The following FBXO36 variants were observed in gnomAD, a reference collection of about 807,000 sequenced individuals.
The protein encoded by FBXO36 is F-box protein 36.
A neutral mutation model predicts 17.0 loss-of-function variants in FBXO36; 18 were observed. That is an observed-to-expected ratio of 1.06 (90% CI 0.73 to 1.57). FBXO36 has a LOEUF of 1.57. Among genes scored for constraint, FBXO36 ranks in the 40% most tolerant of loss-of-function variants. The pLI, the probability that FBXO36 is intolerant of heterozygous loss-of-function variation, is 0.00. For synonymous variants in FBXO36, 83 were observed against 85.3 expected, an observed-to-expected ratio of 0.97 and a Z score of 0.15; for missense variants, 229 against 221.9, an observed-to-expected ratio of 1.03 and a Z score of -0.20.
intron 1 of FBXO36, among the ~76,000 whole-genome samples, chr2:229,932,033 T>C (rs1377661427): frequency 1.3e-5 from 2 of 151,832 alleles, no homozygotes; most frequent in African/African-American, 4.8e-5. Flanking sequence ...CCACCCACTT[T>C]AGCCCCCTGA....
chr2:230,009,186 G>T (rs577362321), intron 3 of FBXO36, among the ~76,000 whole-genome samples: 9 of 152,064 alleles, frequency 5.9e-5, no homozygotes, highest in Admixed American at 1.3e-4. Flanking sequence ...CAGGACACAG[G>T]GGGGCACAGC....
intron 1 of FBXO36, among the ~76,000 whole-genome samples, chr2:229,946,078 G>A (rs2077025784): frequency 1.3e-5 from 2 of 151,980 alleles, no homozygotes; most frequent in South Asian, 4.2e-4. Flanking sequence ...AAGTAAAACA[G>A]GAGTAAGAAC....
At chr2:229,949,477 A>T (rs1419404314) in intron 1 of FBXO36, among the ~76,000 whole-genome samples, 1 of 152,094 alleles carries the variant, frequency 6.6e-6, no homozygotes, top group Admixed American at 6.6e-5. Flanking sequence ...CTGTGACACT[A>T]AAGTATAAGA....
chr2:229,967,554 C>G (rs1189968265), intron 1 of FBXO36, among the ~76,000 whole-genome samples: 1 of 152,128 alleles, frequency 6.6e-6, no homozygotes, highest in Non-Finnish European at 1.5e-5. Flanking sequence ...TATGTCCCAT[C>G]AATACCTAAT....
chr2:229,941,113 A>C (rs2106162893), intron 1 of FBXO36, among the ~76,000 whole-genome samples: 1 of 152,278 alleles, frequency 6.6e-6, no homozygotes, highest in South Asian at 2.1e-4. Context: ...ACTGACCAGC[A>C]GCCATAGGAC....
intron 2 of FBXO36, among the ~76,000 whole-genome samples, chr2:229,993,716 A>G (rs2077309973): frequency 6.6e-6 from 1 of 152,198 alleles, no homozygotes; most frequent in Non-Finnish European, 1.5e-5. Context: ...CTTTCAAACC[A>G]TCACATTTCA....
chr2:229,929,076 G>A (rs2076926230), intron 1 of FBXO36, among the ~76,000 whole-genome samples: 1 of 150,996 alleles, frequency 6.6e-6, no homozygotes, highest in South Asian at 2.1e-4. Flanking sequence ...TGGGACTAAA[G>A]GCATGTACCA....
At chr2:229,959,575 G>A (rs1411077177) in intron 1 of FBXO36, among the ~76,000 whole-genome samples, 1 of 152,182 alleles carries the variant, frequency 6.6e-6, no homozygotes, top group East Asian at 1.9e-4. Flanking sequence ...GCTGGGCGCG[G>A]TGGCTCATGC....
chr2:229,934,929 G>A (rs2076956574), intron 1 of FBXO36, among the ~76,000 whole-genome samples: 1 of 152,152 alleles, frequency 6.6e-6, no homozygotes, highest in South Asian at 2.1e-4. Flanking sequence ...GAGCCACTGC[G>A]CTCAGCCTTT....
At chr2:229,986,418 A>G (rs1247000128) in intron 2 of FBXO36, among the ~76,000 whole-genome samples, 2 of 152,138 alleles carry the variant, frequency 1.3e-5, no homozygotes, top group Non-Finnish European at 1.5e-5. Context: ...TGGGAGGATC[A>G]CTTGTATACA....
At chr2:229,959,826 A>G (rs2077111488) in intron 1 of FBXO36, among the ~76,000 whole-genome samples, 2 of 151,960 alleles carry the variant, frequency 1.3e-5, no homozygotes. Context: ...AGCCTAGGCA[A>G]CAGAGCTAGA....
chr2:229,950,919 A>G (rs984560703), intron 1 of FBXO36, among the ~76,000 whole-genome samples: 1 of 149,788 alleles, frequency 6.7e-6, no homozygotes, highest in African/African-American at 2.5e-5. Flanking sequence ...ATTATGCCCC[A>G]CTAATTATTT....
chr2:229,932,188 T>C (rs1281615209), intron 1 of FBXO36, among the ~76,000 whole-genome samples: 2 of 152,142 alleles, frequency 1.3e-5, no homozygotes, highest in Non-Finnish European at 2.9e-5. Context: ...GAGACCAGCC[T>C]GACCAACATG....
chr2:230,003,167 G>A (rs933193787), intron 3 of FBXO36, among the ~76,000 whole-genome samples: 1 of 148,856 alleles, frequency 6.7e-6, no homozygotes, highest in Non-Finnish European at 1.5e-5. Context: ...CCAAGATCGG[G>A]CCACCGCACT....
chr2:229,929,639 G>A (rs1321184387), intron 1 of FBXO36, among the ~76,000 whole-genome samples: 4 of 151,976 alleles, frequency 2.6e-5, no homozygotes, highest in Non-Finnish European at 5.9e-5. Context: ...TTGAGAGGAT[G>A]AAGCAGATGG....
At chr2:229,980,611 G>T in intron 2 of FBXO36, among the ~76,000 whole-genome samples, 1 of 152,068 alleles carries the variant, frequency 6.6e-6, no homozygotes, top group African/African-American at 2.4e-5. Context: ...AGATTGGGGG[G>T]AGGGGTCAAG....
chr2:230,003,526 G>A (rs1039586496), intron 3 of FBXO36, among the ~76,000 whole-genome samples: 1 of 125,498 alleles, frequency 8.0e-6, no homozygotes, highest in African/African-American at 2.8e-5. Context: ...CCTGTTTCAG[G>A]TGTTCTTCTT....
chr2:229,962,210 G>A (rs2077125104), intron 1 of FBXO36, among the ~76,000 whole-genome samples: 1 of 151,528 alleles, frequency 6.6e-6, no homozygotes, highest in South Asian at 2.1e-4. Context: ...TACTCCTTAT[G>A]TTATTTATTT....
chr2:229,999,235 T>C (rs534921687), intron 3 of FBXO36, among the ~76,000 whole-genome samples: 1 of 151,286 alleles, frequency 6.6e-6, no homozygotes, highest in Non-Finnish European at 1.5e-5. Context: ...CAAGTGATTC[T>C]TGTGCCTCAG....
Sources: gnomAD v4.1 joint callset for allele counts (sites outside exome capture counted in the v4.1 genomes callset) on GRCh38, gnomAD v4.1.1 for gene constraint, MANE v1.5 for transcripts, NCBI Gene and HGNC (gene_info 2026-07-23, HGNC 2026-07-21) for gene names.